PITPNC1: variants seen among roughly 807,000 people sequenced by gnomAD.
PITPNC1 encodes cytoplasmic phosphatidylinositol transfer protein 1.
Under a neutral mutation model 44.7 loss-of-function variants are expected in PITPNC1, and 18 were observed. That is an observed-to-expected ratio of 0.40 (90% CI 0.28 to 0.60). PITPNC1 has a LOEUF of 0.60. PITPNC1 is among the 20% of genes least tolerant of loss of function. The pLI is 0.39. For synonymous variants in PITPNC1, 141 were observed against 149.6 expected (o/e 0.94, Z 0.42); for missense variants, 290 against 418.4 (o/e 0.69, Z 2.68).
intron 1 of PITPNC1, among the ~76,000 whole-genome samples, chr17:67,388,792 G>A (rs752307508): frequency 1.3e-5 from 2 of 152,040 alleles, no homozygotes; most frequent in Non-Finnish European, 2.9e-5. Flanking sequence ...GGCTGGTCTT[G>A]TATTTTTAGT....
chr17:67,630,998 C>T (rs1051949030), intron 5 of PITPNC1, among the ~76,000 whole-genome samples: 1 of 151,482 alleles, frequency 6.6e-6, no homozygotes, highest in African/African-American at 2.4e-5. Context: ...AGGCATGAAC[C>T]ACTGAGCCCA....
intron 7 of PITPNC1, among the ~76,000 whole-genome samples, chr17:67,672,509 G>T (rs1270762948): frequency 6.6e-6 from 1 of 151,818 alleles, no homozygotes; most frequent in Non-Finnish European, 1.5e-5. Flanking sequence ...CGAGGCAGGA[G>T]AATCACTTGA....
At chr17:67,690,302 G>A (rs749301604) in intron 8 of PITPNC1, among the ~76,000 whole-genome samples, 9 of 152,022 alleles carry the variant, frequency 5.9e-5, no homozygotes, top group Admixed American at 1.3e-4. Flanking sequence ...ACAAAAATTA[G>A]CCGGGCGTGG....
chr17:67,437,709 G>A (rs1233793127), intron 1 of PITPNC1, among the ~76,000 whole-genome samples: 2 of 152,134 alleles, frequency 1.3e-5, no homozygotes, highest in Non-Finnish European at 2.9e-5. Context: ...GGTCTTACCA[G>A]GAACTCAAAG....
chr17:67,664,774 G>A (rs2042398088), intron 6 of PITPNC1, among the ~76,000 whole-genome samples: 3 of 151,880 alleles, frequency 2.0e-5, no homozygotes, highest in Non-Finnish European at 4.4e-5. Flanking sequence ...GCGTGGTGGC[G>A]CATGCCTGTA....
intron 1 of PITPNC1, among the ~76,000 whole-genome samples, chr17:67,501,652 T>C (rs1048613959): frequency 3.3e-5 from 5 of 152,040 alleles, no homozygotes; most frequent in African/African-American, 1.2e-4. Context: ...GCCAACATGG[T>C]GAAATCCTGT....
chr17:67,650,421 T>C (rs1378799323), intron 6 of PITPNC1, among the ~76,000 whole-genome samples: 3 of 141,526 alleles, frequency 2.1e-5, no homozygotes, highest in Non-Finnish European at 4.6e-5. Flanking sequence ...AAAGGCATCC[T>C]GGGGGCTAGA....
chr17:67,500,463 G>A (rs1473912127), intron 1 of PITPNC1, among the ~76,000 whole-genome samples: 1 of 152,156 alleles, frequency 6.6e-6, no homozygotes, highest in Non-Finnish European at 1.5e-5. Context: ...GAAAGTTGAT[G>A]AGTCATTGCC....
At chr17:67,499,173 C>G (rs565415166) in intron 1 of PITPNC1, among the ~76,000 whole-genome samples, 5 of 151,894 alleles carry the variant, frequency 3.3e-5, no homozygotes, top group Non-Finnish European at 7.4e-5. Context: ...GTGCCCAGCC[C>G]GTATATCTTC....
At chr17:67,591,432 T>C (rs2041390369) in intron 5 of PITPNC1, among the ~76,000 whole-genome samples, 1 of 152,212 alleles carries the variant, frequency 6.6e-6, no homozygotes, top group Non-Finnish European at 1.5e-5. Flanking sequence ...ATTATATCAA[T>C]GTTAAACTTC....
At chr17:67,493,384 G>A (rs1011151593) in intron 1 of PITPNC1, among the ~76,000 whole-genome samples, 11 of 152,166 alleles carry the variant, frequency 7.2e-5, no homozygotes, top group Admixed American at 5.9e-4. Context: ...CACAGCTGTC[G>A]TATCCTCCAT....
intron 1 of PITPNC1, among the ~76,000 whole-genome samples, chr17:67,507,034 G>A (rs2040113300): frequency 6.6e-6 from 1 of 152,080 alleles, no homozygotes; most frequent in Admixed American, 6.6e-5. Context: ...GTGGTTTCTT[G>A]TAATGACATA....
At chr17:67,449,508 T>A (rs2364978) in intron 1 of PITPNC1, among the ~76,000 whole-genome samples, 97,862 of 152,066 alleles carry the variant, frequency 0.64, 31,748 homozygotes, top group Middle Eastern at 0.7. Flanking sequence ...AAAAAGAAAA[T>A]GTTACTTAAA....
chr17:67,567,609 G>A (rs1358968559), intron 4 of PITPNC1, among the ~76,000 whole-genome samples: 1 of 152,148 alleles, frequency 6.6e-6, no homozygotes, highest in African/African-American at 2.4e-5. Context: ...TAGCCGTCTG[G>A]AAGTTCCTCA....
intron 1 of PITPNC1, among the ~76,000 whole-genome samples, chr17:67,384,672 G>T (rs1000770797): frequency 2.6e-5 from 4 of 152,126 alleles, no homozygotes; most frequent in African/African-American, 9.7e-5. Flanking sequence ...TGATCTGCCC[G>T]CCTCGGCCTC....
intron 7 of PITPNC1, among the ~76,000 whole-genome samples, chr17:67,672,204 G>A (rs2042526863): frequency 6.6e-6 from 1 of 152,006 alleles, no homozygotes; most frequent in African/African-American, 2.4e-5. Flanking sequence ...AAAGTACTGG[G>A]TTTACAGTCG....
At chr17:67,636,282 A>C (rs1459724407) in intron 6 of PITPNC1, among the ~76,000 whole-genome samples, 3 of 63,142 alleles carry the variant, frequency 4.8e-5, no homozygotes, top group African/African-American at 1.4e-4. Context: ...ACTCCGTTTC[A>C]AAAAAAAAAA....
chr17:67,617,869 A>T (rs2041779998), intron 5 of PITPNC1, among the ~76,000 whole-genome samples: 1 of 152,160 alleles, frequency 6.6e-6, no homozygotes, highest in Non-Finnish European at 1.5e-5. Context: ...GGATGACTTC[A>T]TCTCAAGATC....
chr17:67,414,932 G>A (rs888636329), intron 1 of PITPNC1, among the ~76,000 whole-genome samples: 1 of 152,002 alleles, frequency 6.6e-6, no homozygotes, highest in Non-Finnish European at 1.5e-5. Context: ...AGGCTATATA[G>A]TGCAGTGGTA....
Sources: gnomAD v4.1 joint callset for allele counts (sites outside exome capture counted in the v4.1 genomes callset) on GRCh38, gnomAD v4.1.1 for gene constraint, MANE v1.5 for transcripts, NCBI Gene and HGNC (gene_info 2026-07-23, HGNC 2026-07-21) for gene names.